The following ERC1 variants were observed in gnomAD, a reference collection of about 807,000 sequenced individuals.
The protein encoded by ERC1 is RAB6 interacting protein 2.
In ERC1, 56 loss-of-function variants were observed where a neutral mutation model predicts 132.0. The observed-to-expected ratio is 0.42, with a 90% CI of 0.34 to 0.53. The LOEUF (loss-of-function observed/expected upper bound fraction) is 0.53, where lower values mean the gene tolerates loss of function less well. ERC1 is among the 20% of genes least tolerant of loss of function. ERC1 has a pLI of 0.03. For synonymous variants in ERC1, 478 were observed against 476.1 expected (o/e 1.00, Z -0.05); for missense variants, 1,202 against 1,349.9 (o/e 0.89, Z 1.72).
chr12:1,059,583 A>G (rs898803485), intron 2 of ERC1, among the ~76,000 whole-genome samples: 2 of 152,154 alleles, frequency 1.3e-5, no homozygotes, highest in Admixed American at 6.5e-5. Context: ...TTCTGCATCT[A>G]TTGAGATAAT....
At chr12:1,277,125 G>A (rs761879715) in intron 14 of ERC1, among the ~76,000 whole-genome samples, 22 of 152,168 alleles carry the variant, frequency 1.4e-4, no homozygotes, top group Admixed American at 2.6e-4. Context: ...GCAAAACAGA[G>A]GGCTTATATG....
At chr12:995,027 C>T (rs989396931) in intron 1 of ERC1, among the ~76,000 whole-genome samples, 2 of 150,200 alleles carry the variant, frequency 1.3e-5, no homozygotes, top group Non-Finnish European at 3.0e-5. Flanking sequence ...ACCCAGGAGG[C>T]GGAGGTTGCA....
At chr12:1,314,480 G>A (rs2081547225) in intron 15 of ERC1, among the ~76,000 whole-genome samples, 1 of 152,054 alleles carries the variant, frequency 6.6e-6, no homozygotes, top group African/African-American at 2.4e-5. Flanking sequence ...AGTAAACGAG[G>A]GCAACTAGGT....
At chr12:1,393,607 CGTGTGTGTGTGTGTGTGTGTGT>C (rs34533745) in intron 16 of ERC1, among the ~76,000 whole-genome samples, 3 of 140,232 alleles carry the variant, frequency 2.1e-5, no homozygotes, top group East Asian at 2.1e-4. Flanking sequence ...AGAGAACACA[CGTGTGTGTGTGTGTGTGTGTGT>C]GTGTGTGTGT....
chr12:1,201,133 A>G (rs1375979582), intron 12 of ERC1, among the ~76,000 whole-genome samples: 4 of 152,184 alleles, frequency 2.6e-5, no homozygotes, highest in Non-Finnish European at 5.9e-5. Flanking sequence ...TGTAGATTAA[A>G]CAAAAGTGTA....
At chr12:1,461,434 G>A (rs1372268145) in intron 18 of ERC1, among the ~76,000 whole-genome samples, 1 of 152,178 alleles carries the variant, frequency 6.6e-6, no homozygotes, top group Non-Finnish European at 1.5e-5. Context: ...TTGGGAGGCT[G>A]AGGCAGGCAG....
intron 13 of ERC1, among the ~76,000 whole-genome samples, chr12:1,249,203 G>T (rs1291153832): frequency 6.6e-6 from 1 of 152,058 alleles, no homozygotes; most frequent in African/African-American, 2.4e-5. Context: ...TATTTCTGCT[G>T]GCTGTCAAAA....
At chr12:1,360,773 T>C (rs2086013788) in intron 15 of ERC1, among the ~76,000 whole-genome samples, 1 of 152,136 alleles carries the variant, frequency 6.6e-6, no homozygotes, top group Admixed American at 6.5e-5. Context: ...AGATAACTTT[T>C]GCTAAAGTAA....
chr12:1,084,921 T>G (rs1224593718), intron 3 of ERC1, among the ~76,000 whole-genome samples: 1 of 152,208 alleles, frequency 6.6e-6, no homozygotes, highest in East Asian at 1.9e-4. Context: ...AGGCTGGTCT[T>G]GAACTCCTGG....
At chr12:1,315,209 A>G (rs2081597937) in intron 15 of ERC1, among the ~76,000 whole-genome samples, 1 of 151,890 alleles carries the variant, frequency 6.6e-6, no homozygotes, top group South Asian at 2.1e-4. Flanking sequence ...TACAGGTGGG[A>G]TTTCACCATG....
chr12:1,433,978 C>CA (rs763612916), intron 17 of ERC1, among the ~76,000 whole-genome samples: 5,610 of 44,516 alleles, frequency 0.13, 322 homozygotes, highest in African/African-American at 0.26. Context: ...GACCCTGTCT[C>CA]AAAAAAAAAA....
chr12:1,195,342 A>G (rs1956120792), intron 12 of ERC1, among the ~76,000 whole-genome samples: 2 of 152,166 alleles, frequency 1.3e-5, no homozygotes, highest in African/African-American at 4.8e-5. Flanking sequence ...ATTAAACTTC[A>G]GTTTCTCCCT....
At position 1,263,059 on chromosome 12, in the gene ERC1, G is replaced by T; in HGVS notation, c.2513G>T (p.Arg838Met). 6.2e-7 allele frequency: 1 copy of T among 1,614,036 alleles called. No homozygotes were observed. Among genetic ancestry groups the T allele is most frequent in the Non-Finnish European group, 8.5e-7 (1 of 1,179,964 alleles). Residue 838 changes from arginine to methionine, a missense_variant, in exon 14 of 19, where the codon AGG (arginine) becomes ATG (methionine). Physicochemically the swap from Arg to Met is moderately conservative, Grantham distance 91. Coordinates refer to ENST00000360905, the MANE Select transcript of ERC1 (RefSeq NM_178040.4). ...GACAGTCTCCGTAAGAAGGATGACA[G>T]GATTGAAGAGCTGGAAGAAGCACTA... Reference protein sequence around the residue: ...LQDSLRKKDDRIEELEEALRE... With the variant: ...LQDSLRKKDDMIEELEEALRE...
intron 15 of ERC1, among the ~76,000 whole-genome samples, chr12:1,340,096 G>C (rs2154361680): frequency 6.6e-6 from 1 of 152,260 alleles, no homozygotes; most frequent in African/African-American, 2.4e-5. Flanking sequence ...GGGCCAGCCT[G>C]CTTGAGTTCT....
At chr12:1,176,577 C>A (rs1471179311) in intron 8 of ERC1, among the ~76,000 whole-genome samples, 1 of 149,690 alleles carries the variant, frequency 6.7e-6, no homozygotes, top group Non-Finnish European at 1.5e-5. Context: ...TTTTTTTTTT[C>A]TTTTCTTTTT....
In ERC1 at chr12:1,229,358, A is replaced by G. The variant is rs540850443; in HGVS notation, c.2352-7411A>G. On this transcript the variant is annotated intron_variant, in intron 12 of 18. Coordinates refer to ENST00000360905, the MANE Select transcript of ERC1 (RefSeq NM_178040.4). ...TCTACAAAAAAATAAAAAATTAACT[A>G]GTTGCAGCGGTGCATGCCTGTGGTT... Among the ~76,000 whole-genome samples the G allele has an allele frequency of 2.6e-4, 39 of 152,254 alleles. No homozygotes were observed. The South Asian group carries it at 8.1e-3, about 32-fold the overall frequency.
intron 18 of ERC1, chr12:1,480,804 T>G: frequency 1.4e-6 from 1 of 702,282 alleles, no homozygotes; most frequent in Admixed American, 2.0e-5. Flanking sequence ...TAGGGGAAGT[T>G]TCAGACACTA....
At chr12:1,356,212 A>AGTGTGTGTGTGTGTGTG (rs1489476709) in intron 15 of ERC1, among the ~76,000 whole-genome samples, 57 of 119,086 alleles carry the variant, frequency 4.8e-4, no homozygotes, top group Middle Eastern at 4.0e-3. Context: ...AAAAAAAAAA[A>AGTGTGTGTGTGTGTGTG]AGTGTGTGTG....
chr12:1,021,166 C>T (rs1966301339), intron 1 of ERC1, among the ~76,000 whole-genome samples: 1 of 151,862 alleles, frequency 6.6e-6, no homozygotes, highest in African/African-American at 2.4e-5. Flanking sequence ...GTCTCAAACT[C>T]CTGACCTCAA....
Sources: allele counts gnomAD v4.1 joint callset (sites outside exome capture counted in the v4.1 genomes callset), GRCh38; gene constraint gnomAD v4.1.1; transcripts MANE v1.5; gene names NCBI Gene and HGNC (gene_info 2026-07-23, HGNC 2026-07-21).